Variants in AFG2A observed in about 807,000 individuals in gnomAD.
The protein encoded by AFG2A is ATPase family gene 2 protein homolog A.
At chr4:123,086,138 CTCTT>C in the AFG2A span, among the ~76,000 whole-genome samples, 2 of 152,106 alleles carry the variant, frequency 1.3e-5, no homozygotes, top group African/African-American at 4.8e-5. Flanking sequence ...TTTCTTCTTT[CTCTT>C]TCTTTATATA....
chr4:123,100,564 T>C, the AFG2A span, among the ~76,000 whole-genome samples: 1 of 152,008 alleles, frequency 6.6e-6, no homozygotes, highest in African/African-American at 2.4e-5. Flanking sequence ...TATATATTGA[T>C]TGGTTGTGTT....
At chr4:123,138,511 AAC>A in the AFG2A span, among the ~76,000 whole-genome samples, 1 of 152,162 alleles carries the variant, frequency 6.6e-6, no homozygotes, top group Non-Finnish European at 1.5e-5. Flanking sequence ...AGAAACTTTA[AAC>A]ATTTTTGATA....
At chr4:123,205,316 A>G in the AFG2A span, among the ~76,000 whole-genome samples, 11 of 152,296 alleles carry the variant, frequency 7.2e-5, no homozygotes, top group Admixed American at 7.2e-4. Flanking sequence ...TCAATTTAGT[A>G]GCTGTATGAA....
the AFG2A span, among the ~76,000 whole-genome samples, chr4:123,055,937 T>C: frequency 6.6e-6 from 1 of 152,242 alleles, no homozygotes. Flanking sequence ...TCTTACAATA[T>C]TTGATATTCT....
chr4:122,925,890 A>C, the AFG2A span, among the ~76,000 whole-genome samples: 1 of 152,244 alleles, frequency 6.6e-6, no homozygotes, highest in East Asian at 1.9e-4. Flanking sequence ...ATATTTGCTG[A>C]ATGAATAAAT....
chr4:123,070,693 A>G, the AFG2A span, among the ~76,000 whole-genome samples: 1 of 152,316 alleles, frequency 6.6e-6, no homozygotes, highest in African/African-American at 2.4e-5. Context: ...ATTTCAACAT[A>G]TGCATTTTGG....
chr4:123,315,127 T>G, the AFG2A span: 1 of 151,896 alleles, frequency 6.6e-6, no homozygotes, highest in African/African-American at 2.4e-5. Flanking sequence ...TGTTTTTACT[T>G]ATACATATTT....
the AFG2A span, among the ~76,000 whole-genome samples, chr4:123,094,509 ATATC>A: frequency 6.6e-6 from 1 of 152,138 alleles, no homozygotes; most frequent in African/African-American, 2.4e-5. Flanking sequence ...ATAAGATTAT[ATATC>A]AAGAAAAACC....
At chr4:123,306,466 T>G in the AFG2A span, among the ~76,000 whole-genome samples, 1 of 152,224 alleles carries the variant, frequency 6.6e-6, no homozygotes, top group Non-Finnish European at 1.5e-5. Flanking sequence ...TTTTTTTGTC[T>G]TATTTTCTCA....
At chr4:123,208,034 A>G in the AFG2A span, among the ~76,000 whole-genome samples, 1 of 152,208 alleles carries the variant, frequency 6.6e-6, no homozygotes, top group Non-Finnish European at 1.5e-5. Context: ...AACTTACTAC[A>G]AAGTTACCAT....
At chr4:123,251,085 T>A in the AFG2A span, among the ~76,000 whole-genome samples, 1 of 152,174 alleles carries the variant, frequency 6.6e-6, no homozygotes, top group Non-Finnish European at 1.5e-5. Context: ...TGAGGATAGC[T>A]ACAGCTAAAA....
chr4:123,215,861 G>A, the AFG2A span, among the ~76,000 whole-genome samples: 1 of 152,176 alleles, frequency 6.6e-6, no homozygotes, highest in African/African-American at 2.4e-5. Context: ...TAATACGAAA[G>A]GTATTCTGTC....
At chr4:122,988,670 C>G in the AFG2A span, among the ~76,000 whole-genome samples, 2 of 152,128 alleles carry the variant, frequency 1.3e-5, no homozygotes, top group Non-Finnish European at 2.9e-5. Context: ...GCTGGGGTTA[C>G]AGGCCTGAGC....
the AFG2A span, among the ~76,000 whole-genome samples, chr4:123,183,933 T>TATTCATTCATTCATTCATTCATTCATTC: frequency 7.3e-6 from 1 of 137,312 alleles, no homozygotes; most frequent in African/African-American, 3.3e-5. Context: ...CTTGCTTATT[T>TATTCATTCATTCATTCATTCATTCATTC]ATTCATTCAT....
At chr4:123,265,479 C>CTTCACCTTCTGCTTAAATGTACTTA in the AFG2A span, among the ~76,000 whole-genome samples, 3 of 152,080 alleles carry the variant, frequency 2.0e-5, no homozygotes, top group East Asian at 5.8e-4. Context: ...AAATTGGCAA[C>CTTCACCTTCTGCTTAAATGTACTTA]AAAAGTACAT....
At chr4:122,926,993 T>G in the AFG2A span, among the ~76,000 whole-genome samples, 1 of 150,450 alleles carries the variant, frequency 6.6e-6, no homozygotes, top group African/African-American at 2.5e-5. Flanking sequence ...GAGGGACACC[T>G]AACTAAATAT....
chr4:123,029,588 C>G, the AFG2A span, among the ~76,000 whole-genome samples: 1 of 152,130 alleles, frequency 6.6e-6, no homozygotes, highest in Non-Finnish European at 1.5e-5. Flanking sequence ...AGACCATTTA[C>G]AGCATGATCA....
the AFG2A span, among the ~76,000 whole-genome samples, chr4:123,047,781 C>A: frequency 1.3e-5 from 2 of 151,744 alleles, no homozygotes; most frequent in African/African-American, 4.8e-5. Context: ...TAGCTTACTT[C>A]AGCCTTGAAC....
At chr4:123,169,624 G>A in the AFG2A span, among the ~76,000 whole-genome samples, 607 of 152,146 alleles carry the variant, frequency 4.0e-3, 2 homozygotes, top group Non-Finnish European at 7.0e-3. Flanking sequence ...GATTACAGGC[G>A]TGTGCCACCA....
Sources: gnomAD v4.1 joint callset for allele counts (sites outside exome capture counted in the v4.1 genomes callset) on GRCh38, gnomAD v4.1.1 for gene constraint, MANE v1.5 for transcripts, NCBI Gene and HGNC (gene_info 2026-07-23, HGNC 2026-07-21) for gene names.